NDRG1: variants seen among roughly 807,000 people sequenced by gnomAD.
NDRG1 encodes the protein protein NDRG1.
NDRG1 carries 32 observed loss-of-function variants against 56.9 expected under a neutral mutation model. That is an observed-to-expected ratio of 0.56 (90% confidence interval 0.42 to 0.76). The LOEUF (loss-of-function observed/expected upper bound fraction) is 0.76. Ranked by LOEUF, NDRG1 falls within the 30% of genes least tolerant of loss-of-function variation. The pLI is 0.00. For missense variants in NDRG1, 507 were observed against 545.7 expected, an observed-to-expected ratio of 0.93 and a Z score of 0.71; for synonymous variants, 211 against 204.1, an observed-to-expected ratio of 1.03 and a Z score of -0.29.
intron 15 of NDRG1, chr8:133,241,468 T>C (rs1855376993): frequency 6.0e-6 from 1 of 167,010 alleles, no homozygotes; most frequent in Non-Finnish European, 1.3e-5. Context: ...TAAGCAACTT[T>C]GTTAGCCACT....
At chr8:133,252,391 A>T (rs1856102114) in intron 9 of NDRG1, among the ~76,000 whole-genome samples, 1 of 152,166 alleles carries the variant, frequency 6.6e-6, no homozygotes, top group African/African-American at 2.4e-5. Flanking sequence ...CACCCTGCTC[A>T]TCCCACTTTC....
At chr8:133,258,545 G>T in intron 6 of NDRG1, 119 bp from the exon 7 acceptor site, 2 of 939,070 alleles carry the variant, frequency 2.1e-6, no homozygotes, top group Non-Finnish European at 3.4e-6. Context: ...GCATGCTGCC[G>T]TAACTGCCTG....
chr8:133,282,132 T>A (rs1586485617), intron 2 of NDRG1, among the ~76,000 whole-genome samples: 1 of 152,210 alleles, frequency 6.6e-6, no homozygotes, highest in Non-Finnish European at 1.5e-5. Context: ...CTCTTAGACA[T>A]GTGTTTCATA....
At chr8:133,265,922 T>C (rs1856896184) in intron 3 of NDRG1, among the ~76,000 whole-genome samples, 1 of 152,244 alleles carries the variant, frequency 6.6e-6, no homozygotes, top group Non-Finnish European at 1.5e-5. Flanking sequence ...CCTTGAGCAA[T>C]TTCCACATCT....
At chr8:133,244,181 G>A (rs1855536719) in intron 14 of NDRG1, among the ~76,000 whole-genome samples, 174 bp downstream of exon 14, 1 of 152,130 alleles carries the variant, frequency 6.6e-6, no homozygotes, top group African/African-American at 2.4e-5. Flanking sequence ...TACTCCACAG[G>A]GGTTGGTTCC....
rs1440964980 is a variant in NDRG1 at position 133,238,369 on chromosome 8, C to A, written c.*509G>T. On this transcript the variant is annotated 3_prime_UTR_variant, in exon 16 of 16. Transcript: ENST00000323851. ...CCACCTTTTCCCCCTTCCTGTTTTG[C>A]CTGTTTAAAAGAGGTGCCTGCATGT... The A allele has an allele frequency of 4.2e-6, 1 of 236,102 alleles. No homozygotes were observed. The highest frequency in any genetic ancestry group is 6.1e-5 in the East Asian group (1 of 16,486). 14.6% of individuals were successfully genotyped at this position (236,102 alleles called of 1,614,324 possible). A position where few individuals can be genotyped will look rare whatever the true frequency, so the allele number is the denominator to read the frequency against.
chr8:133,266,008 A>G (rs1220728219), intron 3 of NDRG1, among the ~76,000 whole-genome samples: 1 of 152,248 alleles, frequency 6.6e-6, no homozygotes, highest in African/African-American at 2.4e-5. Flanking sequence ...GCAGGAGGCA[A>G]GGCCATCAGG....
At chr8:133,255,664 G>T (rs1290346918) in intron 8 of NDRG1, 2 of 281,930 alleles carry the variant, frequency 7.1e-6, no homozygotes, top group African/African-American at 2.2e-5. Context: ...CTGCATTCTG[G>T]AGGAATGTTC....
chr8:133,252,676 CT>C (rs1856128189), intron 9 of NDRG1, among the ~76,000 whole-genome samples: 1 of 151,694 alleles, frequency 6.6e-6, no homozygotes. Context: ...CTCTGTTCCC[CT>C]GGTACACTTG....
intron 2 of NDRG1, among the ~76,000 whole-genome samples, chr8:133,280,498 A>G (rs1428114268): frequency 1.3e-5 from 2 of 148,512 alleles, no homozygotes. Context: ...ATCGCAGCTC[A>G]CTGCAAGCTC....
intron 9 of NDRG1, among the ~76,000 whole-genome samples, chr8:133,254,033 G>C (rs995915574): frequency 6.6e-6 from 1 of 150,842 alleles, no homozygotes; most frequent in Non-Finnish European, 1.5e-5. Flanking sequence ...TCATTAACAT[G>C]GACAAATCTC....
chr8:133,255,041 T>C (rs1856292697), intron 8 of NDRG1: 1 of 332,630 alleles, frequency 3.0e-6, no homozygotes. Context: ...CCTTTCTAAG[T>C]ATACTGATAT....
At chr8:133,261,067 G>C (rs1248896596) in intron 5 of NDRG1, among the ~76,000 whole-genome samples, 2 of 152,168 alleles carry the variant, frequency 1.3e-5, no homozygotes, top group East Asian at 3.9e-4. Flanking sequence ...CGTCTCAGTA[G>C]ATAGGATCAA....
intron 11 of NDRG1, among the ~76,000 whole-genome samples, 159 bp downstream of exon 11, chr8:133,248,556 C>G (rs1410490943): frequency 6.6e-6 from 1 of 152,208 alleles, no homozygotes; most frequent in East Asian, 1.9e-4. Flanking sequence ...AGGGAGAAGT[C>G]CAAGTCAGGC....
At chr8:133,248,393 C>CTA (rs1209346446) in intron 11 of NDRG1, among the ~76,000 whole-genome samples, 6 of 152,342 alleles carry the variant, frequency 3.9e-5, no homozygotes, top group Admixed American at 1.3e-4. Context: ...GGGTCCTGTG[C>CTA]TATCCATCCC....
intron 3 of NDRG1, among the ~76,000 whole-genome samples, chr8:133,268,206 A>G (rs1401251356): frequency 5.3e-5 from 8 of 152,064 alleles, no homozygotes; most frequent in Non-Finnish European, 8.8e-5. Context: ...GATGATGGTG[A>G]GCATTACACC....
chr8:133,273,503 A>T (rs1857297319), intron 3 of NDRG1, among the ~76,000 whole-genome samples: 1 of 151,990 alleles, frequency 6.6e-6, no homozygotes, highest in Non-Finnish European at 1.5e-5. Flanking sequence ...GATGGCAAGG[A>T]TACCTCCCTC....
chr8:133,259,046 G>A (rs1856529792), intron 6 of NDRG1, 122 bp downstream of exon 6: 1 of 964,550 alleles, frequency 1.0e-6, no homozygotes, highest in South Asian at 1.3e-5. Context: ...CTAATTTCTT[G>A]CCTCATCTCT....
At chr8:133,258,949 A>G in intron 6 of NDRG1, 1 of 617,416 alleles carries the variant, frequency 1.6e-6, no homozygotes, top group South Asian at 1.9e-5. Context: ...ATGCAATATA[A>G]CATTCACGCA....
Sources: gnomAD v4.1 joint callset for allele counts (sites outside exome capture counted in the v4.1 genomes callset) on GRCh38, gnomAD v4.1.1 for gene constraint, MANE v1.5 for transcripts, NCBI Gene and HGNC (gene_info 2026-07-23, HGNC 2026-07-21) for gene names.